AUTS2: variants seen among roughly 807,000 people sequenced by gnomAD.
AUTS2 encodes autism susceptibility gene 2 protein.
In AUTS2, 17 loss-of-function variants were observed where a neutral mutation model predicts 112.4. The observed-to-expected ratio is 0.15, with a 90% confidence interval of 0.10 to 0.23. AUTS2 has a LOEUF of 0.23. AUTS2 is among the 10% of genes least tolerant of loss of function. The probability of loss-of-function intolerance (pLI) is 1.00; values close to 1 mark genes in which losing one functional copy is unlikely to be tolerated. For missense variants in AUTS2, 1,510 were observed against 1,701.6 expected (o/e 0.89, Z 1.98); for synonymous variants, 751 against 702.7 (o/e 1.07, Z -1.09).
intron 1 of AUTS2, among the ~76,000 whole-genome samples, chr7:69,616,509 G>GT (rs922482679): frequency 3.3e-5 from 5 of 152,194 alleles, no homozygotes; most frequent in Admixed American, 1.3e-4. Context: ...GTAGTTGGAT[G>GT]TTTTTTCCCC....
At chr7:70,426,642 C>T (rs1178662777) in intron 4 of AUTS2, among the ~76,000 whole-genome samples, 1 of 152,200 alleles carries the variant, frequency 6.6e-6, no homozygotes, top group African/African-American at 2.4e-5. Flanking sequence ...GTCAATTCTG[C>T]TTGCCGTCTG....
chr7:70,525,175 C>G (rs1421724577), intron 5 of AUTS2, among the ~76,000 whole-genome samples: 1 of 152,222 alleles, frequency 6.6e-6, no homozygotes, highest in African/African-American at 2.4e-5. Context: ...TACCTTCCTC[C>G]TGAGGCACGC....
At chr7:70,678,349 G>A (rs1237321017) in intron 5 of AUTS2, among the ~76,000 whole-genome samples, 3 of 152,186 alleles carry the variant, frequency 2.0e-5, no homozygotes, top group Non-Finnish European at 4.4e-5. Flanking sequence ...TTTAAGGAAA[G>A]ATTTTGATGA....
At chr7:70,438,646 C>T (rs1028618314) in intron 5 of AUTS2, among the ~76,000 whole-genome samples, 1 of 152,216 alleles carries the variant, frequency 6.6e-6, no homozygotes, top group Admixed American at 6.5e-5. Context: ...CCAACTTTAA[C>T]ACCATCCTCC....
chr7:70,476,004 G>T (rs1263370872), intron 5 of AUTS2, among the ~76,000 whole-genome samples: 2 of 152,104 alleles, frequency 1.3e-5, no homozygotes, highest in Non-Finnish European at 2.9e-5. Context: ...AATCCAGCCT[G>T]GGTGACAGAG....
chr7:70,298,988 A>C (rs1433151850), intron 4 of AUTS2, among the ~76,000 whole-genome samples: 4 of 152,208 alleles, frequency 2.6e-5, no homozygotes, highest in Non-Finnish European at 5.9e-5. Context: ...ATTGGCAGCA[A>C]ATAGAATTAA....
chr7:69,720,659 A>G (rs1798881455), intron 1 of AUTS2, among the ~76,000 whole-genome samples: 1 of 152,230 alleles, frequency 6.6e-6, no homozygotes, highest in Non-Finnish European at 1.5e-5. Flanking sequence ...GGGGCACATA[A>G]CAGTTAAGCT....
intron 4 of AUTS2, among the ~76,000 whole-genome samples, chr7:70,294,476 CT>C (rs1788843635): frequency 6.6e-6 from 1 of 152,126 alleles, no homozygotes; most frequent in Non-Finnish European, 1.5e-5. Flanking sequence ...TTTCAGTAGG[CT>C]TTGCACAGAT....
chr7:70,310,533 A>C (rs1039934803), intron 4 of AUTS2, among the ~76,000 whole-genome samples: 2 of 151,970 alleles, frequency 1.3e-5, no homozygotes, highest in Non-Finnish European at 2.9e-5. Context: ...GAATGGCGTG[A>C]ACCCAGGAGG....
intron 2 of AUTS2, among the ~76,000 whole-genome samples, chr7:70,106,234 A>G (rs1804760364): frequency 6.6e-6 from 1 of 152,212 alleles, no homozygotes; most frequent in African/African-American, 2.4e-5. Context: ...GGTTCCTCAG[A>G]GGCCAGGCTC....
chr7:70,011,614 T>C (rs1799810721), intron 2 of AUTS2, among the ~76,000 whole-genome samples: 1 of 152,184 alleles, frequency 6.6e-6, no homozygotes, highest in Non-Finnish European at 1.5e-5. Context: ...ATGGAAACCT[T>C]CACTGCTTGG....
intron 5 of AUTS2, among the ~76,000 whole-genome samples, chr7:70,658,111 G>T (rs1244798216): frequency 6.6e-6 from 1 of 152,228 alleles, no homozygotes. Context: ...ACTATAATGA[G>T]AGTTTTCCAT....
intron 5 of AUTS2, among the ~76,000 whole-genome samples, chr7:70,573,734 T>A (rs928982906): frequency 6.6e-6 from 1 of 152,038 alleles, no homozygotes; most frequent in East Asian, 1.9e-4. Flanking sequence ...CAAAGGATAA[T>A]GAGATTAATA....
chr7:69,713,397 ATC>A (rs1798428751), intron 1 of AUTS2, among the ~76,000 whole-genome samples: 1 of 151,578 alleles, frequency 6.6e-6, no homozygotes, highest in Non-Finnish European at 1.5e-5. Context: ...CTGTTGACCA[ATC>A]TCTCTTATGT....
intron 4 of AUTS2, among the ~76,000 whole-genome samples, chr7:70,358,521 G>A (rs1021357820): frequency 6.6e-6 from 1 of 152,194 alleles, no homozygotes; most frequent in Non-Finnish European, 1.5e-5. Context: ...AAGCCTATAG[G>A]TGTGTGTACC....
intron 2 of AUTS2, among the ~76,000 whole-genome samples, chr7:70,017,594 A>T (rs1199133129): frequency 1.3e-5 from 2 of 152,136 alleles, no homozygotes; most frequent in African/African-American, 4.8e-5. Context: ...CCTGCAGGGG[A>T]TCAGCTGGAG....
intron 1 of AUTS2, among the ~76,000 whole-genome samples, chr7:69,679,406 C>T (rs547902615): frequency 7.9e-5 from 12 of 152,344 alleles, no homozygotes; most frequent in Admixed American, 7.2e-4. Context: ...GATTCCAGGT[C>T]TTACCTTATA....
At chr7:69,678,276 T>C (rs1311720236) in intron 1 of AUTS2, among the ~76,000 whole-genome samples, 1 of 152,070 alleles carries the variant, frequency 6.6e-6, no homozygotes, top group African/African-American at 2.4e-5. Flanking sequence ...GCAACACTAC[T>C]GGCATTTTGA....
intron 1 of AUTS2, among the ~76,000 whole-genome samples, chr7:69,790,302 A>G (rs1049188429): frequency 6.6e-6 from 1 of 152,136 alleles, no homozygotes; most frequent in Non-Finnish European, 1.5e-5. Flanking sequence ...AAAAAGAAAC[A>G]TCAGAGAATC....
Sources: allele counts gnomAD v4.1 joint callset (sites outside exome capture counted in the v4.1 genomes callset), GRCh38; gene constraint gnomAD v4.1.1; transcripts MANE v1.5; gene names NCBI Gene and HGNC (gene_info 2026-07-23, HGNC 2026-07-21).